Variants in RAB27A observed in about 807,000 individuals in gnomAD.
The protein encoded by RAB27A is RAB27A, member RAS oncogene family.
A neutral mutation model predicts 20.8 loss-of-function variants in RAB27A; 17 were observed. The ratio of observed to expected loss-of-function variants is 0.82; its 90% CI spans 0.56 to 1.23. The LOEUF (loss-of-function observed/expected upper bound fraction) is 1.23, where lower values mean the gene tolerates loss of function less well. Ranked by LOEUF, RAB27A falls within the 50% of genes most tolerant of loss-of-function variation. The probability of loss-of-function intolerance (pLI) is 0.00; values close to 1 mark genes in which losing one functional copy is unlikely to be tolerated. For synonymous variants in RAB27A, 85 were observed against 92.8 expected, an observed-to-expected ratio of 0.92 and a Z score of 0.48; for missense variants, 277 against 266.7, an observed-to-expected ratio of 1.04 and a Z score of -0.27.
In RAB27A at chr15:55,203,724, C is replaced by T. The variant is rs1894509715; in HGVS notation, c.*1783G>A. On this transcript the variant is annotated 3_prime_UTR_variant, in exon 7 of 7. Coordinates refer to ENST00000336787, the MANE Select transcript of RAB27A (RefSeq NM_183235.3). ...GGTGTGAGCCACCGCGCCTGGCCAA[C>T]CCTGCTCTTGAAATGTCTAAATCTT... The T allele has an allele frequency of 6.6e-6, 1 of 151,806 alleles. No homozygotes were observed. The highest frequency in any genetic ancestry group is 1.5e-5 in the Non-Finnish European group (1 of 68,018). The allele number at this position is 151,806 out of a possible 1,614,324, so 9.4% of individuals were successfully genotyped here.
At chr15:55,299,429 A>G (rs2141141634) in intron 2 of RAB27A, among the ~76,000 whole-genome samples, 1 of 152,208 alleles carries the variant, frequency 6.6e-6, no homozygotes, top group East Asian at 1.9e-4. Flanking sequence ...CCCCGTCTCT[A>G]CTAAAAATAC....
chr15:55,315,625 T>A (rs1186233541), intron 1 of RAB27A, among the ~76,000 whole-genome samples: 1 of 152,156 alleles, frequency 6.6e-6, no homozygotes, highest in East Asian at 1.9e-4. Context: ...AAAGAAGACA[T>A]TTACGCAGCC....
At chr15:55,298,315 G>A (rs1356987355) in intron 2 of RAB27A, among the ~76,000 whole-genome samples, 1 of 152,010 alleles carries the variant, frequency 6.6e-6, no homozygotes, top group African/African-American at 2.4e-5. Context: ...GAGAAATAAA[G>A]GGACAGAGTA....
intron 1 of RAB27A, among the ~76,000 whole-genome samples, chr15:55,315,261 C>G (rs1451692329): frequency 6.6e-6 from 1 of 152,142 alleles, no homozygotes; most frequent in African/African-American, 2.4e-5. Context: ...AAAATTAACT[C>G]AAGATGGACT....
At chr15:55,232,517 T>C (rs1566910465) in intron 3 of RAB27A, among the ~76,000 whole-genome samples, 1 of 152,164 alleles carries the variant, frequency 6.6e-6, no homozygotes, top group East Asian at 1.9e-4. Context: ...GCCCAGATGT[T>C]AAACTTATTA....
At chr15:55,275,391 C>T (rs115851688) in intron 1 of RAB27A, among the ~76,000 whole-genome samples, 6,206 of 152,230 alleles carry the variant, frequency 0.041, 150 homozygotes, top group Non-Finnish European at 0.051. Flanking sequence ...GTTTGGGAAC[C>T]CAAAGAGGGC....
At chr15:55,240,467 A>G (rs1360160958) in intron 2 of RAB27A, among the ~76,000 whole-genome samples, 1 of 152,128 alleles carries the variant, frequency 6.6e-6, no homozygotes, top group Non-Finnish European at 1.5e-5. Context: ...TCACTGCCCT[A>G]TACATAGCAT....
At chr15:55,301,807 T>C (rs548264909) in intron 2 of RAB27A, among the ~76,000 whole-genome samples, 2 of 151,902 alleles carry the variant, frequency 1.3e-5, no homozygotes, top group East Asian at 3.9e-4. Flanking sequence ...CACCATACCT[T>C]GCTAATTTTT....
intron 2 of RAB27A, among the ~76,000 whole-genome samples, chr15:55,303,320 C>G (rs2054982499): frequency 9.1e-6 from 1 of 109,756 alleles, no homozygotes; most frequent in African/African-American, 4.0e-5. Context: ...GGGGGTCAGC[C>G]CTCCGCCCGG....
intron 2 of RAB27A, among the ~76,000 whole-genome samples, chr15:55,262,411 A>G (rs4525431): frequency 0.1 from 15,568 of 151,548 alleles, 904 homozygotes; most frequent in South Asian, 0.13. Context: ...GCGTGGTGGT[A>G]GGCACCTGTA....
intron 6 of RAB27A, among the ~76,000 whole-genome samples, chr15:55,214,247 T>C (rs1032804093): frequency 3.6e-4 from 55 of 152,230 alleles, no homozygotes; most frequent in Middle Eastern, 3.4e-3. Context: ...CCATCCTGGC[T>C]AACATGGTGA....
chr15:55,231,581 C>A (rs1219247483), intron 3 of RAB27A, among the ~76,000 whole-genome samples: 1 of 152,108 alleles, frequency 6.6e-6, no homozygotes, highest in African/African-American at 2.4e-5. Flanking sequence ...CTATTCCCAT[C>A]CCCCTCACTC....
intron 2 of RAB27A, among the ~76,000 whole-genome samples, chr15:55,301,774 T>C (rs1224571483): frequency 6.6e-6 from 1 of 151,272 alleles, no homozygotes; most frequent in Non-Finnish European, 1.5e-5. Flanking sequence ...ACGTCCTGAG[T>C]AGCTGGGACT....
chr15:55,263,619 G>GAATA (rs1253146678), intron 2 of RAB27A, among the ~76,000 whole-genome samples: 1 of 152,154 alleles, frequency 6.6e-6, no homozygotes, highest in African/African-American at 2.4e-5. Flanking sequence ...GAGAGACAAG[G>GAATA]AATAACGTTT....
chr15:55,293,462 A>G (rs2054933958), upstream of RAB27A, among the ~76,000 whole-genome samples: 1 of 151,864 alleles, frequency 6.6e-6, no homozygotes, highest in East Asian at 1.9e-4. Flanking sequence ...GTTGCATTTC[A>G]ATGTATTAGA....
At chr15:55,248,391 T>C (rs1278320020) in intron 2 of RAB27A, among the ~76,000 whole-genome samples, 2 of 152,302 alleles carry the variant, frequency 1.3e-5, no homozygotes, top group South Asian at 2.1e-4. Flanking sequence ...AAAAGTGACA[T>C]GAAACTAACA....
At chr15:55,279,078 GA>G (rs1403216593) in intron 1 of RAB27A, among the ~76,000 whole-genome samples, 2 of 152,164 alleles carry the variant, frequency 1.3e-5, no homozygotes, top group Non-Finnish European at 2.9e-5. Context: ...ATAGATAATG[GA>G]AAGAATCACA....
chr15:55,252,077 G>A (rs1050485449), intron 2 of RAB27A, among the ~76,000 whole-genome samples: 1 of 152,082 alleles, frequency 6.6e-6, no homozygotes, highest in Non-Finnish European at 1.5e-5. Flanking sequence ...AGAGACTAAG[G>A]AGCAGGTCAA....
intron 6 of RAB27A, among the ~76,000 whole-genome samples, chr15:55,214,410 T>C (rs1331357608): frequency 6.6e-6 from 1 of 152,196 alleles, no homozygotes; most frequent in Non-Finnish European, 1.5e-5. Flanking sequence ...CACTCCAGCC[T>C]GGGCGACAGA....
Sources: allele counts gnomAD v4.1 joint callset (sites outside exome capture counted in the v4.1 genomes callset), GRCh38; gene constraint gnomAD v4.1.1; transcripts MANE v1.5; gene names NCBI Gene and HGNC (gene_info 2026-07-23, HGNC 2026-07-21).